ARNT2: variants seen among roughly 807,000 people sequenced by gnomAD.
The protein encoded by ARNT2 is aryl hydrocarbon receptor nuclear translocator 2.
ARNT2 carries 36 observed loss-of-function variants against 91.7 expected under a neutral mutation model. The ratio of observed to expected loss-of-function variants is 0.39; its 90% confidence interval spans 0.30 to 0.52. The LOEUF (loss-of-function observed/expected upper bound fraction) is 0.52. Among genes scored for constraint, ARNT2 ranks in the 20% least tolerant of loss-of-function variants. ARNT2 has a pLI of 0.72. For synonymous variants in ARNT2, 365 were observed against 347.1 expected, an observed-to-expected ratio of 1.05 and a Z score of -0.57; for missense variants, 775 against 939.3, an observed-to-expected ratio of 0.83 and a Z score of 2.29.
intron 8 of ARNT2, among the ~76,000 whole-genome samples, chr15:80,520,910 T>C (rs1175895929): frequency 6.6e-6 from 1 of 152,222 alleles, no homozygotes; most frequent in African/African-American, 2.4e-5. Flanking sequence ...ATCTTGCTTT[T>C]ATTATTGTCA....
intron 17 of ARNT2, among the ~76,000 whole-genome samples, chr15:80,589,083 C>A (rs532036854): frequency 4.6e-5 from 7 of 152,198 alleles, no homozygotes; most frequent in African/African-American, 1.7e-4. Context: ...TGACTCAGAC[C>A]CCTGCTTTCA....
intron 5 of ARNT2, among the ~76,000 whole-genome samples, chr15:80,477,531 G>C (rs1896825453): frequency 6.6e-6 from 1 of 152,186 alleles, no homozygotes; most frequent in South Asian, 2.1e-4. Context: ...CATCAGGTTT[G>C]TTGTCCCCTA....
chr15:80,482,595 G>A (rs1055508374), intron 5 of ARNT2, among the ~76,000 whole-genome samples: 1 of 152,184 alleles, frequency 6.6e-6, no homozygotes, highest in East Asian at 1.9e-4. Context: ...AAGCCTTGGC[G>A]TGACCCAATA....
Position 80,428,008 on chromosome 15 carries a change from G to A in ARNT2, c.32-22872G>A, listed in dbSNP as rs564102078. On this transcript the variant is annotated intron_variant, in intron 1 of 18. Transcript: ENST00000303329. ...TCAGGATCACCTGCTCATCAGCTCG[G>A]CCTGATAATGAGGAGGGGAGATCTC... Among the ~76,000 whole-genome samples, 5 of 152,316 alleles carry A rather than the reference G, an allele frequency of 3.3e-5. No homozygotes were observed. The South Asian group carries it at 1.0e-3, about 32-fold the overall frequency.
At chr15:80,551,325 A>G (rs761152240) in intron 9 of ARNT2, 50 bp downstream of exon 9, 2 of 1,532,264 alleles carry the variant, frequency 1.3e-6, no homozygotes, top group East Asian at 2.3e-5. Flanking sequence ...GCTTATTGCC[A>G]CAAAGTGCAG....
intron 6 of ARNT2, among the ~76,000 whole-genome samples, chr15:80,512,467 G>A (rs1255603621): frequency 6.6e-6 from 1 of 152,226 alleles, no homozygotes; most frequent in Admixed American, 6.5e-5. Flanking sequence ...ATTTAACTTA[G>A]GACTGGGTCC....
At chr15:80,574,299 T>G in intron 13 of ARNT2, 79 bp downstream of exon 13, 1 of 1,402,482 alleles carries the variant, frequency 7.1e-7, no homozygotes. Context: ...GCCCTGAGCT[T>G]GAGCCCCTCA....
Position 80,407,697 on chromosome 15 carries a change from C to T in ARNT2, c.31+3151C>T, listed in dbSNP as rs1004210645. 1.6e-4 allele frequency among the ~76,000 whole-genome samples: 24 copies of T among 149,976 alleles called. 2 individuals are homozygous for T. The highest frequency in any genetic ancestry group is 7.2e-4 in the Admixed American group (11 of 15,232). Reference sequence around the variant, plus strand: ...TAGAGAGTGAAGTCATAGAATCTTCCGTTTTGTGTGTCTGTGTGTGTGTGT... The same window carrying T: ...TAGAGAGTGAAGTCATAGAATCTTCTGTTTTGTGTGTCTGTGTGTGTGTGT... On this transcript the variant is annotated intron_variant, in intron 1 of 18. Coordinates refer to ENST00000303329, the MANE Select transcript of ARNT2 (RefSeq NM_014862.4).
chr15:80,416,991 G>A (rs1895794568), intron 1 of ARNT2, among the ~76,000 whole-genome samples: 2 of 152,020 alleles, frequency 1.3e-5, no homozygotes, highest in Admixed American at 1.3e-4. Flanking sequence ...TTCCTGTTGA[G>A]TACAGGTCCC....
At chr15:80,552,399 G>A (rs1048689825) in intron 9 of ARNT2, among the ~76,000 whole-genome samples, 1 of 152,144 alleles carries the variant, frequency 6.6e-6, no homozygotes, top group African/African-American at 2.4e-5. Context: ...GAGATTATAG[G>A]TTTTATTATT....
intron 1 of ARNT2, among the ~76,000 whole-genome samples, chr15:80,409,403 T>C (rs1320217762): frequency 6.6e-6 from 1 of 151,756 alleles, no homozygotes; most frequent in Non-Finnish European, 1.5e-5. Context: ...TTCAGTGGCT[T>C]GATAGCTCAT....
At chr15:80,552,851 A>G (rs1181706971) in intron 10 of ARNT2, 77 bp downstream of exon 10, 4 of 1,526,828 alleles carry the variant, frequency 2.6e-6, no homozygotes, top group Non-Finnish European at 3.6e-6. Context: ...TTCATTTGAG[A>G]TACAACACAA....
At chr15:80,505,351 A>C (rs1041939868) in intron 5 of ARNT2, among the ~76,000 whole-genome samples, 1 of 152,194 alleles carries the variant, frequency 6.6e-6, no homozygotes, top group African/African-American at 2.4e-5. Flanking sequence ...ATCCATCCAG[A>C]AATGCAGTGA....
intron 12 of ARNT2, among the ~76,000 whole-genome samples, chr15:80,565,532 GTTA>G (rs1898462099): frequency 7.5e-6 from 1 of 133,114 alleles, no homozygotes; most frequent in Non-Finnish European, 1.6e-5. Flanking sequence ...TTTTGTTTTT[GTTA>G]TTGTTTTTTT....
chr15:80,559,260 A>T (rs1246522433), intron 11 of ARNT2, among the ~76,000 whole-genome samples: 1 of 152,242 alleles, frequency 6.6e-6, no homozygotes, highest in Non-Finnish European at 1.5e-5. Flanking sequence ...TCACTCTGTG[A>T]GCAGCCACCA....
chr15:80,511,688 C>G (rs889808720), intron 6 of ARNT2, among the ~76,000 whole-genome samples: 1 of 151,866 alleles, frequency 6.6e-6, no homozygotes, highest in Non-Finnish European at 1.5e-5. Context: ...TGTGAAATCT[C>G]GTGGGAGGTG....
intron 15 of ARNT2, among the ~76,000 whole-genome samples, chr15:80,577,782 C>T (rs1051019531): frequency 6.6e-6 from 1 of 152,248 alleles, no homozygotes; most frequent in Non-Finnish European, 1.5e-5. Context: ...GATTTTGCTT[C>T]CACACTGGTT....
chr15:80,547,134 G>A (rs772759099), intron 8 of ARNT2, among the ~76,000 whole-genome samples: 67 of 152,138 alleles, frequency 4.4e-4, no homozygotes, highest in Non-Finnish European at 8.4e-4. Context: ...TCCCTGAAAC[G>A]TCTTCAAGGG....
rs143531274 is a variant in ARNT2, at chr15:80,424,376, T to C, written c.31+19830T>C. Among the ~76,000 whole-genome samples, 1,467 of 152,300 alleles carry C rather than the reference T, an allele frequency of 9.6e-3. 14 individuals carry two copies. Among genetic ancestry groups the C allele is most frequent in the Admixed American group, 0.023 (346 of 15,302 alleles). ...AGACTTCATCTGGTTTGCACACCACTCCCATGAGGTTTTATTTTGTGACAT... is the reference window on the plus strand; with the variant it reads ...AGACTTCATCTGGTTTGCACACCACCCCCATGAGGTTTTATTTTGTGACAT... On this transcript the variant is annotated intron_variant, in intron 1 of 18. Transcript: ENST00000303329.
Sources: gnomAD v4.1 joint callset for allele counts (sites outside exome capture counted in the v4.1 genomes callset) on GRCh38, gnomAD v4.1.1 for gene constraint, MANE v1.5 for transcripts, NCBI Gene and HGNC (gene_info 2026-07-23, HGNC 2026-07-21) for gene names.